UTP15: variants seen among roughly 807,000 people sequenced by gnomAD.
UTP15 encodes U3 small nucleolar RNA-associated protein 15 homolog.
Under a neutral mutation model 59.1 loss-of-function variants are expected in UTP15, and 5 were observed. That is an observed-to-expected ratio of 0.08 (90% confidence interval 0.04 to 0.18). The LOEUF (loss-of-function observed/expected upper bound fraction) is 0.18, where lower values mean the gene tolerates loss of function less well. Among genes scored for constraint, UTP15 ranks in the 10% least tolerant of loss-of-function variants. UTP15 has a pLI of 1.00. For missense variants in UTP15, 494 were observed against 616.7 expected (o/e 0.80, Z 2.11); for synonymous variants, 211 against 212.2 (o/e 0.99, Z 0.05).
In UTP15 at chr5:73,572,470, C is replaced by T. The variant is rs144662218; in HGVS notation, c.674-19C>T. On this transcript the variant is annotated intron_variant, in intron 6 of 12. Coordinates refer to ENST00000296792, the MANE Select transcript of UTP15 (RefSeq NM_032175.4). ...ATCTGTGGGCAGAATATCCAACTAA[C>T]GATGATTTCTTTTTATAGGAGGTCG... The T allele has an allele frequency of 7.0e-5, 113 of 1,612,284 alleles. No homozygotes were observed. In the African/African-American group the frequency reaches 7.6e-4, roughly 11 times the overall value.
At position 73,577,017 on chromosome 5, in the gene UTP15, T is replaced by C; in HGVS notation, c.875T>C (p.Ile292Thr). 1 of 1,611,440 alleles carries C rather than the reference T, an allele frequency of 6.2e-7. No individual in the cohort carries two copies. The highest frequency in any genetic ancestry group is 1.3e-5 in the African/African-American group (1 of 74,910). ...VVHSFDYAAS[I>T]LSLALAHEDE... ...CACAGTTTTGATTATGCAGCTTCAA[T>C]TTTGAGTCTTGCCCTTGCAGTAAGT... Residue 292 changes from isoleucine to threonine, a missense_variant, in exon 8 of 13, where the codon ATT becomes ACT. Coordinates refer to ENST00000296792, the MANE Select transcript of UTP15 (RefSeq NM_032175.4).
intron 10 of UTP15, 32 bp downstream of exon 10, chr5:73,578,884 T>A: frequency 6.4e-7 from 1 of 1,571,622 alleles, no homozygotes; most frequent in Middle Eastern, 1.7e-4. Context: ...AATCATGTTA[T>A]TACTTACCCT....
At chr5:73,575,784 G>A (rs764176135) in intron 7 of UTP15, among the ~76,000 whole-genome samples, 7 of 150,130 alleles carry the variant, frequency 4.7e-5, no homozygotes, top group African/African-American at 9.8e-5. Flanking sequence ...GTGCAATGGC[G>A]CGGTCTCGGC....
rs149868868 is a variant in UTP15, at chr5:73,578,208, TCATAA to T, written c.1044+209_1044+213del. 603 of 514,950 alleles carry T rather than the reference TCATAA, an allele frequency of 1.2e-3. 2 individuals are homozygous for T. The East Asian group carries it at 0.017, about 15-fold the overall frequency. The allele number at this position is 514,950 out of a possible 1,614,324, so 31.9% of individuals were successfully genotyped here. On this transcript the variant is annotated intron_variant, in intron 9 of 12. Coordinates refer to ENST00000296792, the MANE Select transcript of UTP15 (RefSeq NM_032175.4). Reference sequence around the variant, plus strand: ...GGACTACTTTATGTAATACTCTGCATCATAACATAATGTTATAATGCTTTACTGCA... The same window carrying T: ...GGACTACTTTATGTAATACTCTGCATCATAATGTTATAATGCTTTACTGCA...
chr5:73,567,263 A>G lies in UTP15; in HGVS notation c.-82A>G. On this transcript the variant is annotated splice_region_variant and 5_prime_UTR_variant, in exon 2 of 13. Transcript: ENST00000296792. Reference sequence around the variant, plus strand: ...TATATAAAATATTTTATTTTTCAGAATTAAGGCAGAGTCACTGTAATTATT... The same window carrying G: ...TATATAAAATATTTTATTTTTCAGAGTTAAGGCAGAGTCACTGTAATTATT... The G allele has an allele frequency of 2.4e-6, 2 of 849,112 alleles. No homozygotes were observed. The highest frequency in any genetic ancestry group is 3.6e-6 in the Non-Finnish European group (2 of 551,210). The allele number at this position is 849,112 out of a possible 1,614,324, so 52.6% of individuals were successfully genotyped here.
In UTP15 at chr5:73,568,367, A is replaced by T. The variant is rs1250417781; in HGVS notation, c.183+40A>T. On this transcript the variant is annotated intron_variant, in intron 3 of 12. Transcript: ENST00000296792. ...AAATTTCTTTATTTTTCTTTTGTAT[A>T]GTTTACTACTGATCTTGAGCCATCT... 2.5e-6 allele frequency: 4 copies of T among 1,585,528 alleles called. No homozygotes were observed. In the Admixed American group the frequency reaches 5.5e-5, roughly 22 times the overall value.
chr5:73,567,445 G>A lies in UTP15; in HGVS notation c.90+11G>A, dbSNP rs1213001171. On this transcript the variant is annotated intron_variant, in intron 2 of 12. Coordinates refer to ENST00000296792, the MANE Select transcript of UTP15 (RefSeq NM_032175.4). Reference sequence around the variant, plus strand: ...TGGAACAACTATAAGGTGAGTGTGGGACGTAATGAGGGAGAAGGGATTTGT... The same window carrying A: ...TGGAACAACTATAAGGTGAGTGTGGAACGTAATGAGGGAGAAGGGATTTGT... The A allele has an allele frequency of 1.3e-6, 2 of 1,577,156 alleles. No homozygotes were observed. The highest frequency in any genetic ancestry group is 2.3e-5 in the East Asian group (1 of 43,330).
At chr5:73,567,007 A>G (rs1376750434) in intron 1 of UTP15, among the ~76,000 whole-genome samples, 2 of 152,210 alleles carry the variant, frequency 1.3e-5, no homozygotes, top group Non-Finnish European at 2.9e-5. Context: ...AGGCTGTGCT[A>G]GATTTATTCC....
chr5:73,578,278 A>G (rs1224561606), intron 9 of UTP15: 2 of 346,882 alleles, frequency 5.8e-6, no homozygotes, highest in Non-Finnish European at 1.0e-5. Flanking sequence ...GATTTGATCT[A>G]AATCCCAAGA....
chr5:73,572,532 A>T lies in UTP15; in HGVS notation c.717A>T (p.Gln239His), dbSNP rs16870609. 1 of 1,614,176 alleles carries T rather than the reference A, an allele frequency of 6.2e-7. No homozygotes were observed. The highest frequency in any genetic ancestry group is 8.5e-7 in the Non-Finnish European group (1 of 1,180,022). The change falls in exon 7 of 13, where the codon CAA becomes CAT. Residue 239 changes from glutamine (Q) to histidine (H), a missense_variant. Physicochemically the swap from Gln to His is conservative, Grantham distance 24 (BLOSUM62 0). Coordinates refer to ENST00000296792, the MANE Select transcript of UTP15 (RefSeq NM_032175.4). ...TCTGGGACATGTTAAAAGGAGGACA[A>T]TTGCTAGTATCTTTGAAAAATCATC... is the stretch of plus-strand genomic sequence containing the variant. The part of the protein sequence containing the change: ...VKVWDMLKGG[Q>H]LLVSLKNHHK...
At position 73,577,751 on chromosome 5, in the gene UTP15, G is replaced by A; in HGVS notation, c.895-105G>A. The A allele has an allele frequency of 5.3e-6, 5 of 941,394 alleles. No homozygotes were observed. The East Asian group carries it at 1.4e-4, about 26-fold the overall frequency. The allele number at this position is 941,394 out of a possible 1,614,324, so 58.3% of individuals were successfully genotyped here. On this transcript the variant is annotated intron_variant, in intron 8 of 12. Coordinates refer to ENST00000296792, the MANE Select transcript of UTP15 (RefSeq NM_032175.4). The stretch of plus-strand genomic sequence containing the variant: ...TGTGTATTTGAATGGAACTGTTGGT[G>A]AATGTATGGACAAGCAGCAAACACA...
At position 73,580,277 on chromosome 5, in the gene UTP15, T is replaced by C; in HGVS notation, c.*183T>C. ...GTTTTAAGTAAGACATGGTTTTCCA[T>C]GTAATATTTTGAATTATAGCATCTT... is the stretch of plus-strand genomic sequence containing the variant. On this transcript the variant is annotated 3_prime_UTR_variant, in exon 13 of 13. Transcript: ENST00000296792. The C allele has an allele frequency of 2.0e-6, 1 of 508,664 alleles. No homozygotes were observed. The highest frequency in any genetic ancestry group is 3.4e-6 in the Non-Finnish European group (1 of 290,130). The allele number at this position is 508,664 out of a possible 1,614,324, so 31.5% of individuals were successfully genotyped here.
At chr5:73,572,174 A>G (rs980517616) in intron 6 of UTP15, among the ~76,000 whole-genome samples, 3 of 152,210 alleles carry the variant, frequency 2.0e-5, no homozygotes, top group Non-Finnish European at 4.4e-5. Context: ...CCACTGCTAT[A>G]TAGAATTTCT....
intron 2 of UTP15, 74 bp from the exon 3 acceptor site, chr5:73,568,161 G>A: frequency 1.8e-6 from 2 of 1,124,972 alleles, no homozygotes; most frequent in Non-Finnish European, 2.5e-6. Flanking sequence ...GAAACGGTCT[G>A]TAAGAAATTA....
intron 8 of UTP15, 112 bp from the exon 9 acceptor site, chr5:73,577,744 T>C (rs994317257): frequency 4.6e-6 from 4 of 868,792 alleles, no homozygotes; most frequent in Non-Finnish European, 6.9e-6. Flanking sequence ...TGAATGGAAC[T>C]GTTGGTGAAT....
chr5:73,574,906 G>C (rs1474671755), intron 7 of UTP15, among the ~76,000 whole-genome samples: 1 of 152,170 alleles, frequency 6.6e-6, no homozygotes, highest in Non-Finnish European at 1.5e-5. Flanking sequence ...TAACTGAGGA[G>C]AATTGGTTGT....
rs112991877 is a variant in UTP15, at chr5:73,576,974, A to G, written c.832A>G (p.Thr278Ala). 3.7e-6 allele frequency: 6 copies of G among 1,608,382 alleles called. No homozygotes were observed. The African/African-American group carries it at 4.0e-5, about 11-fold the overall frequency. The change falls in exon 8 of 13, where the codon ACT becomes GCT. Residue 278 changes from threonine (T) to alanine (A), a missense_variant. Transcript: ENST00000296792. ...TAGGAAGGTGAAAGTATACAGCACA[A>G]CTTCCTACAAAGTAGTCCACAGTTT... is the stretch of plus-strand genomic sequence containing the variant. Reference protein sequence around the residue: ...LDRKVKVYSTTSYKVVHSFDY... With the variant: ...LDRKVKVYSTASYKVVHSFDY...
intron 5 of UTP15, 93 bp downstream of exon 5, chr5:73,569,768 A>G: frequency 9.2e-7 from 1 of 1,090,758 alleles, no homozygotes; most frequent in South Asian, 2.0e-5. Flanking sequence ...AGGGGTTTAA[A>G]TTTTTTTTAT....
chr5:73,578,714 T>C lies in UTP15; in HGVS notation c.1045-37T>C, dbSNP rs1305209196. ...ATTAAATGTATATTTACACAGATGCTGATTTTCCTTCTCTATAAATGTACT... is the reference window on the plus strand; with the variant it reads ...ATTAAATGTATATTTACACAGATGCCGATTTTCCTTCTCTATAAATGTACT... On this transcript the variant is annotated intron_variant, in intron 9 of 12. Coordinates refer to ENST00000296792, the MANE Select transcript of UTP15 (RefSeq NM_032175.4). 3 of 1,560,982 alleles carry C rather than the reference T, an allele frequency of 1.9e-6. No individual in the cohort carries two copies. In the African/African-American group the frequency reaches 4.1e-5, roughly 21 times the overall value.
Sources: gnomAD v4.1 joint callset for allele counts (sites outside exome capture counted in the v4.1 genomes callset) on GRCh38, gnomAD v4.1.1 for gene constraint, MANE v1.5 for transcripts, NCBI Gene and HGNC (gene_info 2026-07-23, HGNC 2026-07-21) for gene names.